NRG3: variants seen among roughly 807,000 people sequenced by gnomAD.
NRG3 encodes pro-neuregulin-3, membrane-bound isoform.
A neutral mutation model predicts 66.9 loss-of-function variants in NRG3; 31 were observed. That is an observed-to-expected ratio of 0.46 (90% CI 0.35 to 0.63). The LOEUF (loss-of-function observed/expected upper bound fraction) is 0.63, where lower values mean the gene tolerates loss of function less well. Ranked by LOEUF, NRG3 falls within the 20% of genes least tolerant of loss-of-function variation. NRG3 has a pLI of 0.00. For missense variants in NRG3, 910 were observed against 878.9 expected, an observed-to-expected ratio of 1.04 and a Z score of -0.45; for synonymous variants, 393 against 359.4, an observed-to-expected ratio of 1.09 and a Z score of -1.06.
chr10:82,507,739 C>A (rs918705747), intron 2 of NRG3, among the ~76,000 whole-genome samples: 4 of 152,152 alleles, frequency 2.6e-5, no homozygotes, highest in African/African-American at 9.7e-5. Context: ...CTTGTGTATT[C>A]TAGAAACATG....
chr10:82,637,159 A>G (rs1485121486), intron 2 of NRG3, among the ~76,000 whole-genome samples: 1 of 152,188 alleles, frequency 6.6e-6, no homozygotes, highest in East Asian at 1.9e-4. Context: ...AACAGCATAT[A>G]TTATGCCTTA....
intron 3 of NRG3, among the ~76,000 whole-genome samples, chr10:82,822,208 C>T (rs1022605169): frequency 5.9e-5 from 9 of 152,138 alleles, no homozygotes; most frequent in East Asian, 3.9e-4. Flanking sequence ...AGCAGGAACA[C>T]CTGCCCAAAG....
intron 3 of NRG3, among the ~76,000 whole-genome samples, chr10:82,780,208 A>C (rs1049869184): frequency 1.3e-5 from 2 of 152,168 alleles, no homozygotes; most frequent in Non-Finnish European, 2.9e-5. Flanking sequence ...TTATGATAGA[A>C]TGATTTATAA....
chr10:82,182,567 A>G (rs1051626450), intron 1 of NRG3, among the ~76,000 whole-genome samples: 1 of 151,756 alleles, frequency 6.6e-6, no homozygotes, highest in South Asian at 2.1e-4. Context: ...CACAAATTAC[A>G]TCTTTTTATG....
intron 3 of NRG3, among the ~76,000 whole-genome samples, chr10:82,792,889 T>G (rs1443178152): frequency 1.3e-5 from 2 of 151,938 alleles, no homozygotes; most frequent in African/African-American, 2.4e-5. Context: ...TCCATGTTGT[T>G]TAGGCTGGTC....
chr10:82,447,275 CG>C (rs2090777520), intron 2 of NRG3, among the ~76,000 whole-genome samples: 1 of 152,100 alleles, frequency 6.6e-6, no homozygotes, highest in South Asian at 2.1e-4. Context: ...TTATAGGCCA[CG>C]GAGTGCAGGC....
chr10:82,629,242 A>G (rs2049641769), intron 2 of NRG3, among the ~76,000 whole-genome samples: 1 of 152,212 alleles, frequency 6.6e-6, no homozygotes, highest in South Asian at 2.1e-4. Context: ...ATGAAAAATG[A>G]AAATGTCTAC....
intron 3 of NRG3, among the ~76,000 whole-genome samples, chr10:82,776,469 C>T (rs1339868435): frequency 6.6e-6 from 1 of 152,192 alleles, no homozygotes; most frequent in Non-Finnish European, 1.5e-5. Context: ...TCATATCTCT[C>T]ACCCAACTTG....
chr10:82,517,306 A>T (rs1685241086), intron 2 of NRG3, among the ~76,000 whole-genome samples: 1 of 152,136 alleles, frequency 6.6e-6, no homozygotes, highest in Non-Finnish European at 1.5e-5. Context: ...CTGGTAGTGA[A>T]ATGGAAAAAT....
chr10:82,736,149 C>CA (rs1384677945), intron 2 of NRG3, among the ~76,000 whole-genome samples: 1 of 152,056 alleles, frequency 6.6e-6, no homozygotes, highest in African/African-American at 2.4e-5. Context: ...AACTCTCCCC[C>CA]AAAAAACCAA....
At chr10:82,984,854 A>T in intron 8 of NRG3, 1 of 1,497,098 alleles carries the variant, frequency 6.7e-7, no homozygotes, top group Non-Finnish European at 9.1e-7. Context: ...CTGGACTTAA[A>T]GTAAGAAGAT....
chr10:82,948,349 G>A (rs1849213837), intron 4 of NRG3, among the ~76,000 whole-genome samples: 1 of 152,076 alleles, frequency 6.6e-6, no homozygotes, highest in South Asian at 2.1e-4. Context: ...ATAAAGTCAT[G>A]AGATTCCACA....
At chr10:82,467,853 C>G (rs117655737) in intron 2 of NRG3, among the ~76,000 whole-genome samples, 1 of 152,070 alleles carries the variant, frequency 6.6e-6, no homozygotes, top group East Asian at 1.9e-4. Flanking sequence ...TTAAATTTAA[C>G]TTGATTTTAA....
chr10:82,514,581 T>G (rs1180256766), intron 2 of NRG3, among the ~76,000 whole-genome samples: 2 of 152,102 alleles, frequency 1.3e-5, no homozygotes, highest in Non-Finnish European at 2.9e-5. Flanking sequence ...TGGTTTTTTT[T>G]GTTTGTTGTT....
At chr10:82,019,364 C>T (rs1411897428) in intron 1 of NRG3, among the ~76,000 whole-genome samples, 2 of 152,180 alleles carry the variant, frequency 1.3e-5, no homozygotes, top group Non-Finnish European at 2.9e-5. Flanking sequence ...ATTTTTGCAT[C>T]AATGTTCATC....
In NRG3 at chr10:81,942,894, C is replaced by T. The variant is rs190837183; in HGVS notation, c.823+66731C>T. On this transcript the variant is annotated intron_variant, in intron 1 of 8. Transcript: ENST00000372141. Reference sequence around the variant, plus strand: ...TGATTAGTCTTTTGAGGATTAATAACGAAAGAACCTAGAAACATTAATATT... The same window carrying T: ...TGATTAGTCTTTTGAGGATTAATAATGAAAGAACCTAGAAACATTAATATT... 4.1e-3 allele frequency among the ~76,000 whole-genome samples: 628 copies of T among 152,118 alleles called. 7 individuals carry two copies. The highest frequency in any genetic ancestry group is 0.014 in the African/African-American group (576 of 41,490).
intron 2 of NRG3, among the ~76,000 whole-genome samples, chr10:82,703,729 C>T (rs990103580): frequency 9.9e-5 from 15 of 152,084 alleles, no homozygotes; most frequent in African/African-American, 3.4e-4. Flanking sequence ...CTGTCTAAGC[C>T]GGGATGCTGT....
chr10:82,892,886 T>A (rs919000556), intron 4 of NRG3, among the ~76,000 whole-genome samples: 1 of 151,900 alleles, frequency 6.6e-6, no homozygotes, highest in Non-Finnish European at 1.5e-5. Flanking sequence ...ACTAGGAAGA[T>A]AAAAAATTGT....
chr10:81,950,044 A>C (rs560311658), intron 1 of NRG3, among the ~76,000 whole-genome samples: 2 of 152,044 alleles, frequency 1.3e-5, no homozygotes, highest in African/African-American at 4.8e-5. Context: ...TCGAAGACCA[A>C]CTCTTGAGGC....
Sources: allele counts gnomAD v4.1 joint callset (sites outside exome capture counted in the v4.1 genomes callset), GRCh38; gene constraint gnomAD v4.1.1; transcripts MANE v1.5; gene names NCBI Gene and HGNC (gene_info 2026-07-23, HGNC 2026-07-21).